AFF2: variants seen among roughly 807,000 people sequenced by gnomAD.
The protein encoded by AFF2 is AF4/FMR2 family member 2.
AFF2 carries 14 observed loss-of-function variants against 76.9 expected under a neutral mutation model. That is an observed-to-expected ratio of 0.18 (90% CI 0.12 to 0.28). The LOEUF is 0.28. AFF2 is among the 10% of genes least tolerant of loss of function. AFF2 has a pLI of 1.00. For synonymous variants in AFF2, 398 were observed against 366.7 expected (o/e 1.09, Z -0.98); for missense variants, 868 against 1,001.1 (o/e 0.87, Z 1.79).
chrX:148,751,833 A>C (rs958172777), intron 3 of AFF2, among the ~76,000 whole-genome samples: 18 of 112,126 alleles, frequency 1.6e-4, no homozygotes, highest in African/African-American at 5.8e-4. Flanking sequence ...GCTTATTTCA[A>C]CTGGGGTTGC....
chrX:148,807,147 G>C (rs1557271415), intron 3 of AFF2, among the ~76,000 whole-genome samples: 1 of 112,095 alleles, frequency 8.9e-6, no homozygotes, highest in Non-Finnish European at 1.9e-5. Flanking sequence ...GTGCTGCAAA[G>C]CTCCAGAGTC....
intron 3 of AFF2, among the ~76,000 whole-genome samples, chrX:148,668,035 G>T (rs544837700): frequency 7.1e-5 from 8 of 113,121 alleles, no homozygotes; most frequent in Admixed American, 6.5e-4. Flanking sequence ...TACAATGGAG[G>T]TACAAGCATT....
intron 1 of AFF2, among the ~76,000 whole-genome samples, chrX:148,565,006 A>G (rs2053153514): frequency 8.9e-6 from 1 of 112,029 alleles, no homozygotes; most frequent in African/African-American, 3.3e-5. Flanking sequence ...GTCAAAATAA[A>G]TGCAAGCTCT....
At chrX:148,874,726 T>C (rs1387668972) in intron 7 of AFF2, among the ~76,000 whole-genome samples, 1 of 111,805 alleles carries the variant, frequency 8.9e-6, no homozygotes, top group Non-Finnish European at 1.9e-5. Context: ...CCCTCCCTTT[T>C]CTTGAGAATC....
chrX:148,788,152 C>T (rs2069846799), intron 3 of AFF2, among the ~76,000 whole-genome samples: 1 of 111,707 alleles, frequency 9.0e-6, no homozygotes, highest in Non-Finnish European at 1.9e-5. Context: ...TTTGGCTGCA[C>T]ATCCTAACTG....
chrX:148,836,914 C>T (rs1327948939), intron 4 of AFF2, among the ~76,000 whole-genome samples: 10 of 111,899 alleles, frequency 8.9e-5, no homozygotes, highest in Non-Finnish European at 1.7e-4. Context: ...TGTGTGGAAC[C>T]GAGCTACCAA....
intron 1 of AFF2, among the ~76,000 whole-genome samples, chrX:148,557,848 A>G (rs1415546707): frequency 8.9e-6 from 1 of 112,209 alleles, no homozygotes; most frequent in African/African-American, 3.2e-5. Flanking sequence ...CCCGTGCTTT[A>G]ACTGGTTTAC....
chrX:148,949,900 C>T (rs1333021517), intron 9 of AFF2, among the ~76,000 whole-genome samples: 1 of 112,400 alleles, frequency 8.9e-6, no homozygotes, highest in African/African-American at 3.2e-5. Flanking sequence ...ATAAACTGTG[C>T]ATTAGTTTTT....
chrX:148,702,124 T>C (rs1413915743), intron 3 of AFF2, among the ~76,000 whole-genome samples: 1 of 111,254 alleles, frequency 9.0e-6, no homozygotes, highest in African/African-American at 3.3e-5. Flanking sequence ...CACGTGGATG[T>C]CACATTTTTT....
chrX:148,635,378 G>A (rs1194893352), intron 1 of AFF2, among the ~76,000 whole-genome samples: 2 of 111,374 alleles, frequency 1.8e-5, no homozygotes, highest in African/African-American at 6.5e-5. Flanking sequence ...GCAAGGATAT[G>A]GATTCTCCCC....
intron 1 of AFF2, among the ~76,000 whole-genome samples, chrX:148,516,606 T>A (rs189981779): frequency 8.9e-6 from 1 of 111,843 alleles, no homozygotes; most frequent in Non-Finnish European, 1.9e-5. Context: ...ACATAAACTA[T>A]TAATACTTCC....
intron 18 of AFF2, 62 bp from the exon 19 acceptor site, chrX:148,980,676 C>T: frequency 4.2e-6 from 4 of 946,098 alleles, no homozygotes; most frequent in Non-Finnish European, 4.5e-6. Flanking sequence ...CCATCTGTTT[C>T]TGAATTAATA....
intron 1 of AFF2, among the ~76,000 whole-genome samples, chrX:148,621,828 C>T (rs868984474): frequency 9.0e-5 from 10 of 111,522 alleles, no homozygotes; most frequent in African/African-American, 2.9e-4. Context: ...ATGCCACTGA[C>T]CAGGAGCTTA....
chrX:148,669,430 A>G lies in AFF2; in HGVS notation c.1041+6662A>G, dbSNP rs191672552. Among the ~76,000 whole-genome samples the G allele has an allele frequency of 1.1e-4, 12 of 112,006 alleles. No homozygotes were observed. The East Asian group carries it at 3.4e-3, about 31-fold the overall frequency. ...GTCCATTTTCATGCTGCCGATAAAG[A>G]CATATCTGAGACTGGGCAGTTTACA... is the stretch of plus-strand genomic sequence containing the variant. On this transcript the variant is annotated intron_variant, in intron 3 of 20. Coordinates refer to ENST00000370460, the MANE Select transcript of AFF2 (RefSeq NM_002025.4).
At chrX:148,919,640 A>G (rs1557282991) in intron 9 of AFF2, among the ~76,000 whole-genome samples, 1 of 111,307 alleles carries the variant, frequency 9.0e-6, no homozygotes, top group Non-Finnish European at 1.9e-5. Flanking sequence ...GAAAAAAGTT[A>G]TAGGTTCACT....
chrX:148,591,023 G>A (rs1018007058), intron 1 of AFF2, among the ~76,000 whole-genome samples: 12 of 111,812 alleles, frequency 1.1e-4, no homozygotes, highest in Non-Finnish European at 1.9e-4. Context: ...TGAATTACCC[G>A]TGTTGCCCTC....
At chrX:148,860,126 A>G (rs368930258) in intron 7 of AFF2, among the ~76,000 whole-genome samples, 2 of 111,934 alleles carry the variant, frequency 1.8e-5, no homozygotes, top group African/African-American at 6.5e-5. Flanking sequence ...ACAAGTTGAG[A>G]TGGAGATGCC....
intron 3 of AFF2, among the ~76,000 whole-genome samples, chrX:148,695,327 T>C (rs782130835): frequency 1.8e-5 from 2 of 112,057 alleles, no homozygotes; most frequent in East Asian, 5.6e-4. Flanking sequence ...ATCTGTGCCA[T>C]TGGAAACAGA....
intron 1 of AFF2, among the ~76,000 whole-genome samples, chrX:148,524,730 C>T (rs1173045301): frequency 8.9e-6 from 1 of 112,149 alleles, no homozygotes; most frequent in African/African-American, 3.2e-5. Flanking sequence ...CTTTTCCATA[C>T]ATTTTATATC....
Sources: allele counts gnomAD v4.1 joint callset (sites outside exome capture counted in the v4.1 genomes callset), GRCh38; gene constraint gnomAD v4.1.1; transcripts MANE v1.5; gene names NCBI Gene and HGNC (gene_info 2026-07-23, HGNC 2026-07-21).